Variants in ANK2 observed in about 807,000 individuals in gnomAD.
ANK2 encodes ankyrin 2.
ANK2 carries 83 observed loss-of-function variants against 360.5 expected under a neutral mutation model. The ratio of observed to expected loss-of-function variants is 0.23; its 90% CI spans 0.19 to 0.28. The LOEUF is 0.28. Ranked by LOEUF, ANK2 falls within the 10% of genes least tolerant of loss-of-function variation. The pLI is 1.00. For missense variants in ANK2, 4,201 were observed against 4,795.7 expected, an observed-to-expected ratio of 0.88 and a Z score of 3.66; for synonymous variants, 1,740 against 1,759.5, an observed-to-expected ratio of 0.99 and a Z score of 0.28.
chr4:113,275,090 G>A (rs768495315), intron 15 of ANK2, among the ~76,000 whole-genome samples: 15 of 152,078 alleles, frequency 9.9e-5, no homozygotes, highest in South Asian at 4.2e-4. Context: ...GTACATTTTC[G>A]CAACCCTACT....
intron 1 of ANK2, among the ~76,000 whole-genome samples, chr4:112,824,078 T>C (rs1455809523): frequency 6.6e-6 from 1 of 152,226 alleles, no homozygotes; most frequent in Non-Finnish European, 1.5e-5. Context: ...GAGAGTTTCC[T>C]TGTAAAAATT....
the ANK2 span, chr4:112,755,906 C>T: frequency 6.6e-6 from 1 of 151,974 alleles, no homozygotes; most frequent in East Asian, 1.9e-4. Flanking sequence ...TACCACTGCA[C>T]TTGGACTACC....
At chr4:113,067,583 G>A (rs564111600) in intron 1 of ANK2, among the ~76,000 whole-genome samples, 2 of 152,132 alleles carry the variant, frequency 1.3e-5, no homozygotes, top group South Asian at 2.1e-4. Context: ...TTGAAATCAC[G>A]AGTAATAAAA....
At chr4:112,933,688 C>T (rs944950495) in intron 2 of ANK2, among the ~76,000 whole-genome samples, 9 of 152,072 alleles carry the variant, frequency 5.9e-5, no homozygotes, top group East Asian at 3.9e-4. Flanking sequence ...TTAATAGAGA[C>T]GGGGTTTTGC....
At chr4:113,248,332 G>T (rs758969578) in intron 9 of ANK2, among the ~76,000 whole-genome samples, 15 of 152,136 alleles carry the variant, frequency 9.9e-5, no homozygotes, top group African/African-American at 3.1e-4. Context: ...CAATACCAGT[G>T]CTCAACCTAA....
At chr4:112,789,150 G>T in the ANK2 span, among the ~76,000 whole-genome samples, 1 of 152,100 alleles carries the variant, frequency 6.6e-6, no homozygotes, top group Non-Finnish European at 1.5e-5. Context: ...CATGGAGGGT[G>T]CCCTTATACA....
At chr4:113,278,614 A>T (rs186294205) in intron 17 of ANK2, 56 bp downstream of exon 17, 4 of 1,533,032 alleles carry the variant, frequency 2.6e-6, no homozygotes, top group Non-Finnish European at 3.6e-6. Flanking sequence ...GCCTGAAAAC[A>T]CATGAGAATT....
intron 7 of ANK2, among the ~76,000 whole-genome samples, chr4:113,240,264 A>G (rs955053646): frequency 6.6e-6 from 1 of 152,202 alleles, no homozygotes. Context: ...AATTAAAAAT[A>G]TGCCATGAAT....
chr4:113,287,162 T>G (rs1266597932), intron 18 of ANK2, among the ~76,000 whole-genome samples: 1 of 152,232 alleles, frequency 6.6e-6, no homozygotes, highest in African/African-American at 2.4e-5. Context: ...CCTGTAACTG[T>G]CCATTTTTTA....
At chr4:113,313,492 C>T (rs1404082652) in intron 24 of ANK2, among the ~76,000 whole-genome samples, 1 of 152,188 alleles carries the variant, frequency 6.6e-6, no homozygotes, top group Non-Finnish European at 1.5e-5. Flanking sequence ...ATACTGTGTT[C>T]TCCAGGTCTC....
In ANK2 at chr4:113,025,200, A is replaced by G. The variant is rs544373213; in HGVS notation, c.21+120686A>G. Among the ~76,000 whole-genome samples, 34 of 152,250 alleles carry G rather than the reference A, an allele frequency of 2.2e-4. No homozygotes were observed. The South Asian group carries it at 6.6e-3, about 30-fold the overall frequency. ...TAAACATAACAGCAGTGTTCTATCT[A>G]TAGACACCACTCTAAACATGTTGCT... On this transcript the variant is annotated intron_variant, in intron 2 of 30. Coordinates refer to the ANK2 transcript ENST00000503271.
chr4:113,021,224 TA>T (rs2057990381), intron 2 of ANK2, among the ~76,000 whole-genome samples: 1 of 152,224 alleles, frequency 6.6e-6, no homozygotes, highest in East Asian at 1.9e-4. Context: ...GAAGCTTTTA[TA>T]CACAGAGAAT....
intron 17 of ANK2, among the ~76,000 whole-genome samples, chr4:113,280,790 T>G (rs1196648726): frequency 6.6e-6 from 1 of 152,192 alleles, no homozygotes; most frequent in Non-Finnish European, 1.5e-5. Flanking sequence ...AATTGACACC[T>G]TCTTTGATGA....
At chr4:112,863,251 A>G (rs914652884) in intron 1 of ANK2, among the ~76,000 whole-genome samples, 3 of 152,144 alleles carry the variant, frequency 2.0e-5, no homozygotes, top group Non-Finnish European at 4.4e-5. Flanking sequence ...GAAAATCTGA[A>G]GAGTCAATAG....
chr4:112,992,699 C>T (rs1248199240), intron 2 of ANK2, among the ~76,000 whole-genome samples: 1 of 152,066 alleles, frequency 6.6e-6, no homozygotes, highest in Non-Finnish European at 1.5e-5. Flanking sequence ...TGTAAGGGCA[C>T]GAATCTCATC....
the ANK2 span, chr4:112,789,010 C>A: frequency 3.7e-6 from 2 of 539,976 alleles, no homozygotes. Context: ...GTGTTTAGGG[C>A]ATGGATTCTA....
chr4:113,036,481 T>A (rs918667255), intron 2 of ANK2, among the ~76,000 whole-genome samples: 1 of 151,852 alleles, frequency 6.6e-6, no homozygotes, highest in African/African-American at 2.4e-5. Flanking sequence ...CCATTGCTTC[T>A]GATTGTATAC....
intron 1 of ANK2, among the ~76,000 whole-genome samples, chr4:112,900,782 C>T (rs967971776): frequency 6.6e-6 from 1 of 152,208 alleles, no homozygotes; most frequent in Admixed American, 6.5e-5. Context: ...TTACCCTCCA[C>T]CAAGCCCTTT....
chr4:112,864,403 A>G (rs1170672461), intron 1 of ANK2, among the ~76,000 whole-genome samples: 1 of 152,036 alleles, frequency 6.6e-6, no homozygotes, highest in Admixed American at 6.5e-5. Context: ...TCCGCCTCCC[A>G]AGTTCAAGCG....
Sources: allele counts gnomAD v4.1 joint callset (sites outside exome capture counted in the v4.1 genomes callset), GRCh38; gene constraint gnomAD v4.1.1; transcripts MANE v1.5; gene names NCBI Gene and HGNC (gene_info 2026-07-23, HGNC 2026-07-21).